The following ATXN1 variants were observed in gnomAD, a reference collection of about 807,000 sequenced individuals.
ATXN1 encodes the protein ataxin-1.
In ATXN1, 8 loss-of-function variants were observed where a neutral mutation model predicts 56.4. The ratio of observed to expected loss-of-function variants is 0.14; its 90% CI spans 0.08 to 0.26. The LOEUF (loss-of-function observed/expected upper bound fraction) is 0.26, where lower values mean the gene tolerates loss of function less well. ATXN1 is among the 10% of genes least tolerant of loss of function. ATXN1 has a pLI of 1.00. For synonymous variants in ATXN1, 514 were observed against 494.6 expected (o/e 1.04, Z -0.52); for missense variants, 987 against 1,106.5 (o/e 0.89, Z 1.53).
chr6:16,682,137 T>G (rs1425151183), intron 2 of ATXN1, among the ~76,000 whole-genome samples: 1 of 151,752 alleles, frequency 6.6e-6, no homozygotes, highest in Non-Finnish European at 1.5e-5. Context: ...TATTAAAGAT[T>G]CCCAGGCCTC....
At chr6:16,341,036 G>A (rs1223592072) in intron 6 of ATXN1, among the ~76,000 whole-genome samples, 2 of 152,160 alleles carry the variant, frequency 1.3e-5, no homozygotes, top group Admixed American at 6.5e-5. Context: ...GCTAACTTCC[G>A]GTGTCTTAAT....
chr6:16,424,593 T>G (rs1759110619), intron 6 of ATXN1, among the ~76,000 whole-genome samples: 4 of 152,322 alleles, frequency 2.6e-5, no homozygotes, highest in Admixed American at 2.6e-4. Context: ...GGGAATCAAC[T>G]GGAATTCTCC....
intron 6 of ATXN1, among the ~76,000 whole-genome samples, chr6:16,421,891 A>C (rs971761692): frequency 2.6e-5 from 4 of 152,206 alleles, no homozygotes; most frequent in African/African-American, 9.7e-5. Flanking sequence ...AAAACATGGA[A>C]TACAATGCAG....
At chr6:16,579,469 C>G (rs569335856) in intron 4 of ATXN1, among the ~76,000 whole-genome samples, 2 of 102,066 alleles carry the variant, frequency 2.0e-5, no homozygotes, top group African/African-American at 6.6e-5. Flanking sequence ...TCACTGAGTA[C>G]CTTGGTCAAA....
chr6:16,331,662 AG>A (rs1183541866), intron 6 of ATXN1, among the ~76,000 whole-genome samples: 2 of 152,368 alleles, frequency 1.3e-5, no homozygotes, highest in Middle Eastern at 3.4e-3. Flanking sequence ...AGGCAGCACT[AG>A]GGAAGAAAAA....
chr6:16,757,430 A>G (rs1405180614), intron 1 of ATXN1, among the ~76,000 whole-genome samples: 1 of 152,206 alleles, frequency 6.6e-6, no homozygotes, highest in East Asian at 1.9e-4. Context: ...GCATTGTGTA[A>G]TATTGACATC....
At position 16,616,377 on chromosome 6, in the gene ATXN1, T is replaced by C. The variant is rs1166392549; in HGVS notation, c.-488-30470A>G. Among the ~76,000 whole-genome samples the C allele has an allele frequency of 2.0e-5, 3 of 151,154 alleles. No homozygotes were observed. The East Asian group carries it at 5.8e-4, about 29-fold the overall frequency. ...TAACATGGTGAAACCCTGTCTCTAC[T>C]AAAAATACAAAAATTAGCCAGGTGT... is the stretch of plus-strand genomic sequence containing the variant. On this transcript the variant is annotated intron_variant, in intron 3 of 7. Coordinates refer to ENST00000436367, the MANE Select transcript of ATXN1 (RefSeq NM_001128164.2).
chr6:16,519,169 G>C (rs1309402364), intron 5 of ATXN1, among the ~76,000 whole-genome samples: 2 of 152,066 alleles, frequency 1.3e-5, no homozygotes, highest in African/African-American at 2.4e-5. Context: ...GGAAGAAGAA[G>C]ATACATGTTT....
chr6:16,557,320 C>G (rs931293114), intron 4 of ATXN1, among the ~76,000 whole-genome samples: 2 of 128,178 alleles, frequency 1.6e-5, no homozygotes, highest in African/African-American at 6.8e-5. Context: ...GAGTGAAACC[C>G]CATTTCAAAA....
chr6:16,491,283 T>TATTATTATTATTA (rs57752763), intron 5 of ATXN1, among the ~76,000 whole-genome samples: 25 of 115,384 alleles, frequency 2.2e-4, no homozygotes, highest in African/African-American at 4.4e-4. Context: ...TATTATTTTT[T>TATTATTATTATTA]TTTTTTTTTT....
intron 4 of ATXN1, among the ~76,000 whole-genome samples, chr6:16,539,134 G>C (rs236942): frequency 0.071 from 10,836 of 152,258 alleles, 723 homozygotes; most frequent in African/African-American, 0.18. Context: ...CTGGCAGGTA[G>C]GTTTTAGAAA....
chr6:16,448,896 T>C (rs915172317), intron 6 of ATXN1, among the ~76,000 whole-genome samples: 1 of 152,200 alleles, frequency 6.6e-6, no homozygotes, highest in Non-Finnish European at 1.5e-5. Context: ...CTCTACATCT[T>C]CAAGATTTGC....
chr6:16,597,025 TC>T lies in ATXN1; in HGVS notation c.-488-11119del, dbSNP rs143908297. Among the ~76,000 whole-genome samples the T allele has an allele frequency of 4.7e-3, 716 of 152,294 alleles. 7 individuals are homozygous for T. The highest frequency in any genetic ancestry group is 0.016 in the African/African-American group (673 of 41,574). ...GCACTCACCTGCAGGGCGCAGGGTG[TC>T]CCACCTGCATCCCCCTCCTGCTCCA... On this transcript the variant is annotated intron_variant, in intron 3 of 7. Coordinates refer to ENST00000436367, the MANE Select transcript of ATXN1 (RefSeq NM_001128164.2).
At chr6:16,366,779 T>TG (rs1031747087) in intron 6 of ATXN1, among the ~76,000 whole-genome samples, 11 of 140,042 alleles carry the variant, frequency 7.9e-5, no homozygotes, top group Non-Finnish European at 1.5e-4. Flanking sequence ...AGACTCTGTC[T>TG]GAAAAAAAAA....
chr6:16,678,399 T>TATC (rs1422575939), intron 2 of ATXN1, among the ~76,000 whole-genome samples: 4 of 152,254 alleles, frequency 2.6e-5, no homozygotes, highest in Non-Finnish European at 5.9e-5. Context: ...TACCAATCAT[T>TATC]ATCATTTTTA....
intron 6 of ATXN1, among the ~76,000 whole-genome samples, chr6:16,353,684 A>G (rs1251302725): frequency 6.6e-6 from 1 of 152,210 alleles, no homozygotes; most frequent in Admixed American, 6.5e-5. Context: ...AAAAAAAGCA[A>G]AAAACAAAAA....
At chr6:16,537,352 A>G (rs1436898372) in intron 4 of ATXN1, among the ~76,000 whole-genome samples, 1 of 152,108 alleles carries the variant, frequency 6.6e-6, no homozygotes, top group East Asian at 1.9e-4. Flanking sequence ...ACCGACAGGG[A>G]GAGCCAACTC....
intron 4 of ATXN1, among the ~76,000 whole-genome samples, chr6:16,542,950 T>C (rs1175158479): frequency 6.6e-6 from 1 of 151,382 alleles, no homozygotes; most frequent in African/African-American, 2.4e-5. Context: ...CACTCACCTG[T>C]TTTTGTACCA....
intron 4 of ATXN1, among the ~76,000 whole-genome samples, chr6:16,548,908 G>T (rs572252893): frequency 6.6e-6 from 1 of 152,286 alleles, no homozygotes; most frequent in East Asian, 1.9e-4. Context: ...GGGCGACAAA[G>T]TAAGGCTGTC....
Sources: allele counts gnomAD v4.1 joint callset (sites outside exome capture counted in the v4.1 genomes callset), GRCh38; gene constraint gnomAD v4.1.1; transcripts MANE v1.5; gene names NCBI Gene and HGNC (gene_info 2026-07-23, HGNC 2026-07-21).